NSUN2: variants seen among roughly 807,000 people sequenced by gnomAD.
The protein encoded by NSUN2 is RNA cytosine C(5)-methyltransferase NSUN2.
NSUN2 carries 63 observed loss-of-function variants against 92.7 expected under a neutral mutation model. That is an observed-to-expected ratio of 0.68 (90% CI 0.56 to 0.84). NSUN2 has a LOEUF of 0.84. NSUN2 is among the 40% of genes least tolerant of loss of function. The pLI is 0.00. For missense variants in NSUN2, 989 were observed against 964.9 expected (o/e 1.02, Z -0.33); for synonymous variants, 356 against 348.3 (o/e 1.02, Z -0.25).
intron 3 of NSUN2, among the ~76,000 whole-genome samples, chr5:6,629,324 C>T (rs2126509310): frequency 1.3e-5 from 2 of 152,312 alleles, no homozygotes; most frequent in South Asian, 4.1e-4. Context: ...TGATCAAATC[C>T]AAGTGTAACT....
intron 7 of NSUN2, 118 bp from the exon 8 acceptor site, chr5:6,618,142 C>A: frequency 3.0e-6 from 2 of 656,702 alleles, no homozygotes; most frequent in Non-Finnish European, 5.3e-6. Context: ...AGTTAGGAAA[C>A]AATCTCCATT....
chr5:6,606,796 T>A (rs372507011), intron 14 of NSUN2, 24 bp downstream of exon 14: 60 of 1,318,606 alleles, frequency 4.6e-5, no homozygotes, highest in Non-Finnish European at 6.5e-5. Flanking sequence ...TTTAAATGAA[T>A]AATTAAAAAG....
At chr5:6,621,921 AG>A (rs1737463724) in intron 6 of NSUN2, 94 bp downstream of exon 6, 5 of 1,056,856 alleles carry the variant, frequency 4.7e-6, no homozygotes, top group Non-Finnish European at 7.3e-6. Context: ...AGGAGACTTT[AG>A]AGCCAAATTA....
At chr5:6,632,286 G>A (rs1737948430) in intron 2 of NSUN2, among the ~76,000 whole-genome samples, 2 of 152,266 alleles carry the variant, frequency 1.3e-5, no homozygotes, top group Admixed American at 6.5e-5. Flanking sequence ...GGAGAACCAA[G>A]GGGTTTTATG....
chr5:6,603,411 G>C (rs1268966136), intron 17 of NSUN2, among the ~76,000 whole-genome samples: 3 of 152,198 alleles, frequency 2.0e-5, no homozygotes, highest in Non-Finnish European at 4.4e-5. Flanking sequence ...AAATTTACTG[G>C]CTGGGCGCGG....
At chr5:6,626,018 A>T (rs998645085) in intron 3 of NSUN2, among the ~76,000 whole-genome samples, 1 of 152,294 alleles carries the variant, frequency 6.6e-6, no homozygotes, top group East Asian at 1.9e-4. Context: ...AGGTCATCAG[A>T]AAAAAAAGAT....
Position 6,621,257 on chromosome 5 carries a change from G to A in NSUN2, c.622+759C>T, listed in dbSNP as rs1737423991. The A allele has an allele frequency of 3.9e-5, 6 of 152,176 alleles. No homozygotes were observed. In the South Asian group the frequency reaches 1.2e-3, roughly 31 times the overall value. 9.4% of individuals were successfully genotyped at this position (152,176 alleles called of 1,614,324 possible). Reference sequence around the variant, plus strand: ...TCACATGGGATGTCTAACACTGTAAGTAACTTGCCGATTAGGATTTGAACC... The same window carrying A: ...TCACATGGGATGTCTAACACTGTAAATAACTTGCCGATTAGGATTTGAACC... On this transcript the variant is annotated intron_variant, in intron 6 of 18. Coordinates refer to ENST00000264670, the MANE Select transcript of NSUN2 (RefSeq NM_017755.6).
At chr5:6,621,290 T>G (rs1737424929) in intron 6 of NSUN2, 2 of 151,992 alleles carry the variant, frequency 1.3e-5, no homozygotes, top group Non-Finnish European at 2.9e-5. Context: ...ACCCAGGGAG[T>G]CTGATGGTAG....
intron 3 of NSUN2, among the ~76,000 whole-genome samples, chr5:6,628,283 G>C (rs899025842): frequency 1.3e-5 from 2 of 152,182 alleles, no homozygotes; most frequent in African/African-American, 4.8e-5. Flanking sequence ...AGGAGGTGGA[G>C]GTTGCAGTGA....
At chr5:6,611,467 C>CAAAAAAAAAAAAAAAAAAAAAAAAAAA (rs1553997593) in intron 10 of NSUN2, among the ~76,000 whole-genome samples, 2 of 64,830 alleles carry the variant, frequency 3.1e-5, no homozygotes, top group African/African-American at 5.7e-5. Flanking sequence ...AAAAAAAAAG[C>CAAAAAAAAAAAAAAAAAAAAAAAAAAA]AAAGCTACCC....
At chr5:6,617,723 T>C (rs2084009287) in intron 8 of NSUN2, among the ~76,000 whole-genome samples, 2 of 152,264 alleles carry the variant, frequency 1.3e-5, no homozygotes. Flanking sequence ...AAGAAATTTT[T>C]ATAGAAGGCA....
In NSUN2 at chr5:6,600,121, C is replaced by G; in HGVS notation, c.2109G>C (p.Gly703=). The G allele has an allele frequency of 6.2e-7, 1 of 1,614,204 alleles. No homozygotes were observed. Among genetic ancestry groups the G allele is most frequent in the South Asian group, 1.1e-5 (1 of 91,088 alleles). ...NERLHYLRMM[G]LEVLGEKKKE... ...TCTTCTTTTCTCCCAATACCTCCAG[C>G]CCCATCATCCTGAGATAATGAAGCC... is the stretch of plus-strand genomic sequence containing the variant. Residue 703 remains glycine, a synonymous_variant, in exon 19 of 19, where the codon GGG becomes GGC. Transcript: ENST00000264670.
Position 6,606,686 on chromosome 5 carries a change from G to T in NSUN2, c.1601+134C>A, listed in dbSNP as rs1174238766. ...AAGTTTCATCCTGCTCTAATATGCA[G>T]TTAAAAAGGTTAAAAAAAAAAAAAA... On this transcript the variant is annotated intron_variant, in intron 14 of 18. Coordinates refer to ENST00000264670, the MANE Select transcript of NSUN2 (RefSeq NM_017755.6). The T allele has an allele frequency of 1.1e-5, 5 of 466,010 alleles. No individual in the cohort carries two copies. In the East Asian group the frequency reaches 1.7e-4, roughly 16 times the overall value. 28.9% of individuals were successfully genotyped at this position (466,010 alleles called of 1,614,324 possible).
At chr5:6,614,636 C>T (rs985135487) in intron 9 of NSUN2, among the ~76,000 whole-genome samples, 4 of 152,180 alleles carry the variant, frequency 2.6e-5, no homozygotes, top group African/African-American at 9.7e-5. Flanking sequence ...GAAGCCACTC[C>T]TTCAAACGTT....
intron 12 of NSUN2, among the ~76,000 whole-genome samples, 192 bp from the exon 13 acceptor site, chr5:6,607,576 C>T (rs1736828402): frequency 6.6e-6 from 1 of 152,192 alleles, no homozygotes; most frequent in Admixed American, 6.6e-5. Context: ...AATTCATGGA[C>T]AGTTTCTTTG....
At chr5:6,609,972 C>A (rs761577663) in intron 11 of NSUN2, 50 bp from the exon 12 acceptor site, 4 of 1,258,966 alleles carry the variant, frequency 3.2e-6, no homozygotes, top group Admixed American at 4.3e-5. Flanking sequence ...AAAATGCATT[C>A]TTTTACTATT....
At position 6,607,300 on chromosome 5, in the gene NSUN2, T is replaced by C. The variant is rs1373820682; in HGVS notation, c.1408A>G (p.Lys470Glu). The C allele has an allele frequency of 6.2e-7, 1 of 1,614,102 alleles. No individual in the cohort carries two copies. Among genetic ancestry groups the C allele is most frequent in the Non-Finnish European group, 8.5e-7 (1 of 1,180,034 alleles). The change falls in exon 13 of 19, where the codon AAG becomes GAG. Residue 470 changes from lysine to glutamate, a missense_variant. Physicochemically the swap from Lys to Glu is moderately conservative, Grantham distance 56 (BLOSUM62 1). Around this residue, in one of 3 missense-constraint regions of NSUN2, gnomAD observed 626 missense variants for 602.3 expected, o/e 1.04. Transcript: ENST00000264670. Reference protein sequence around the residue: ...LTEGKPTDPSKLESPSFTGTG... With the variant: ...LTEGKPTDPSELESPSFTGTG... ...CCTGTGAATGACGGACTTTCCAGCT[T>C]AGAGGGATCTGTGGGTTTCCCTTCT...
chr5:6,605,869 A>G (rs983850159), intron 14 of NSUN2, among the ~76,000 whole-genome samples: 2 of 150,908 alleles, frequency 1.3e-5, no homozygotes, highest in Admixed American at 6.6e-5. Context: ...TTTTTTTTGT[A>G]TTTTTAGTAA....
chr5:6,606,761 C>A, intron 14 of NSUN2, 59 bp downstream of exon 14: 1 of 931,864 alleles, frequency 1.1e-6, no homozygotes, highest in Non-Finnish European at 1.7e-6. Flanking sequence ...ATCAGTTGTA[C>A]ATTTGATACT....
Sources: gnomAD v4.1 joint callset for allele counts (sites outside exome capture counted in the v4.1 genomes callset) on GRCh38, gnomAD v4.1.1 for gene constraint, gnomAD v4.1.1 regional missense constraint, MANE v1.5 for transcripts, NCBI Gene and HGNC (gene_info 2026-07-23, HGNC 2026-07-21) for gene names.